MYO16: variants seen among roughly 807,000 people sequenced by gnomAD.
MYO16 encodes unconventional myosin-XVI.
MYO16 carries 94 observed loss-of-function variants against 205.3 expected under a neutral mutation model. The observed-to-expected ratio is 0.46, with a 90% confidence interval of 0.39 to 0.54. The LOEUF (loss-of-function observed/expected upper bound fraction) is 0.54, where lower values mean the gene tolerates loss of function less well. MYO16 is among the 20% of genes least tolerant of loss of function. The pLI is 0.00. For missense variants in MYO16, 2,315 were observed against 2,387.5 expected (o/e 0.97, Z 0.63); for synonymous variants, 988 against 954.0 (o/e 1.04, Z -0.66).
chr13:109,201,987 CATCAT>C (rs538419131), intron 34 of MYO16, among the ~76,000 whole-genome samples: 122 of 152,028 alleles, frequency 8.0e-4, no homozygotes, highest in Admixed American at 2.0e-3. Context: ...CACACACACA[CATCAT>C]ATATCTATAC....
chr13:108,583,653 C>T, the MYO16 span, among the ~76,000 whole-genome samples: 7 of 152,030 alleles, frequency 4.6e-5, no homozygotes, highest in Admixed American at 4.6e-4. Flanking sequence ...CATCCATTGA[C>T]GAAGTGCTGG....
At chr13:109,033,182 T>A (rs1886598711) in intron 23 of MYO16, among the ~76,000 whole-genome samples, 1 of 152,056 alleles carries the variant, frequency 6.6e-6, no homozygotes, top group African/African-American at 2.4e-5. Context: ...ACATCCATGT[T>A]TTCACCCTTT....
At chr13:108,787,900 A>C (rs1163511662) in intron 5 of MYO16, among the ~76,000 whole-genome samples, 3 of 152,236 alleles carry the variant, frequency 2.0e-5, no homozygotes, top group Non-Finnish European at 2.9e-5. Context: ...TCTTCCTCCC[A>C]CTATCTCCAT....
chr13:108,545,760 A>T, the MYO16 span, among the ~76,000 whole-genome samples: 2 of 152,094 alleles, frequency 1.3e-5, no homozygotes, highest in African/African-American at 4.8e-5. Flanking sequence ...GGGAAGAGGG[A>T]TGGAGTTTGA....
chr13:108,574,803 G>A, the MYO16 span, among the ~76,000 whole-genome samples: 1 of 152,090 alleles, frequency 6.6e-6, no homozygotes, highest in South Asian at 2.1e-4. Flanking sequence ...GTTAAACACA[G>A]TTGTTAATCA....
chr13:108,615,405 T>C, intron 1 of MYO16, among the ~76,000 whole-genome samples: 1 of 152,114 alleles, frequency 6.6e-6, no homozygotes, highest in East Asian at 1.9e-4. Context: ...TCTGCGAAAT[T>C]TTTAATGTAG....
chr13:108,636,159 C>A (rs1318328073), intron 1 of MYO16, among the ~76,000 whole-genome samples: 1 of 151,864 alleles, frequency 6.6e-6, no homozygotes, highest in African/African-American at 2.4e-5. Flanking sequence ...GTTTTTGTTA[C>A]ATTGATCCAT....
At chr13:108,694,958 C>A (rs575862416) in intron 2 of MYO16, among the ~76,000 whole-genome samples, 2 of 152,094 alleles carry the variant, frequency 1.3e-5, no homozygotes, top group Admixed American at 1.3e-4. Flanking sequence ...ACTAAAAATA[C>A]AAAATTAGCC....
At chr13:108,732,965 T>C (rs1884571985) in intron 4 of MYO16, among the ~76,000 whole-genome samples, 2 of 152,178 alleles carry the variant, frequency 1.3e-5, no homozygotes, top group African/African-American at 4.8e-5. Flanking sequence ...TTGTAATTTT[T>C]GTTTGCTGAG....
intron 10 of MYO16, among the ~76,000 whole-genome samples, chr13:108,853,652 A>G (rs951133210): frequency 7.0e-6 from 1 of 143,100 alleles, no homozygotes; most frequent in Non-Finnish European, 1.5e-5. Flanking sequence ...GCTGGAGTGT[A>G]GTGGCACTAT....
chr13:109,193,647 T>A (rs532641239), intron 34 of MYO16, among the ~76,000 whole-genome samples: 1 of 152,308 alleles, frequency 6.6e-6, no homozygotes. Flanking sequence ...CTGGCTAATG[T>A]AACAGGTTGG....
Position 109,048,578 on chromosome 13 carries a change from G to A in MYO16, c.2872+1587G>A, listed in dbSNP as rs277830. The A allele has an allele frequency of 3.2e-3, 1,220 of 376,712 alleles. 16 individuals carry two copies. Among genetic ancestry groups the A allele is most frequent in the African/African-American group, 0.024 (1,145 of 48,304 alleles). 23.3% of individuals were successfully genotyped at this position (376,712 alleles called of 1,614,324 possible). On this transcript the variant is annotated intron_variant, in intron 24 of 34. Coordinates refer to ENST00000457511, the MANE Select transcript of MYO16 (RefSeq NM_001198950.3). The stretch of plus-strand genomic sequence containing the variant: ...ATTTTATTTACAAAAACAGGCAGTG[G>A]GCCATGTTTGGCTCAGGAGCCATGA...
chr13:108,912,583 A>G (rs1185083147), intron 16 of MYO16, among the ~76,000 whole-genome samples: 1 of 152,132 alleles, frequency 6.6e-6, no homozygotes, highest in African/African-American at 2.4e-5. Flanking sequence ...AATACCTTTT[A>G]TGCAGCAGCA....
intron 34 of MYO16, among the ~76,000 whole-genome samples, chr13:109,186,404 G>T (rs1386535596): frequency 1.3e-5 from 2 of 152,130 alleles, no homozygotes; most frequent in African/African-American, 4.8e-5. Context: ...AAGGCAGATG[G>T]TGTTTTCCTC....
chr13:108,605,278 G>A (rs909293684), intron 1 of MYO16, among the ~76,000 whole-genome samples: 3 of 152,134 alleles, frequency 2.0e-5, no homozygotes, highest in Non-Finnish European at 2.9e-5. Context: ...GCCCATCTTA[G>A]TAATCTATCT....
chr13:108,712,769 A>G, intron 3 of MYO16, 38 bp downstream of exon 3: 2 of 1,546,724 alleles, frequency 1.3e-6, no homozygotes, highest in Non-Finnish European at 1.8e-6. Flanking sequence ...GCATGGGGAC[A>G]CCCGGGGGAG....
chr13:109,204,402 C>T (rs540633478), intron 34 of MYO16, among the ~76,000 whole-genome samples: 4 of 152,214 alleles, frequency 2.6e-5, no homozygotes, highest in African/African-American at 9.6e-5. Flanking sequence ...TATGAATGTT[C>T]CATGTCCACA....
intron 2 of MYO16, among the ~76,000 whole-genome samples, chr13:108,708,115 T>A (rs991102441): frequency 6.6e-6 from 1 of 152,224 alleles, no homozygotes; most frequent in Non-Finnish European, 1.5e-5. Context: ...AACATTCATC[T>A]TAATAAAATC....
intron 4 of MYO16, among the ~76,000 whole-genome samples, chr13:108,766,453 G>A (rs1885779617): frequency 6.6e-6 from 1 of 152,204 alleles, no homozygotes; most frequent in African/African-American, 2.4e-5. Flanking sequence ...TTTGGGAAAA[G>A]AGATAGCAGT....
Sources: allele counts gnomAD v4.1 joint callset (sites outside exome capture counted in the v4.1 genomes callset), GRCh38; gene constraint gnomAD v4.1.1; transcripts MANE v1.5; gene names NCBI Gene and HGNC (gene_info 2026-07-23, HGNC 2026-07-21).